XIRP2: variants seen among roughly 807,000 people sequenced by gnomAD.
XIRP2 encodes the protein xin actin-binding repeat-containing protein 2.
A neutral mutation model predicts 277.0 loss-of-function variants in XIRP2; 236 were observed. The ratio of observed to expected loss-of-function variants is 0.85; its 90% CI spans 0.77 to 0.95. The LOEUF is 0.95. Ranked by LOEUF, XIRP2 falls within the 40% of genes least tolerant of loss-of-function variation. The pLI is 0.00. For missense variants in XIRP2, 4,640 were observed against 4,157.5 expected (o/e 1.12, Z -3.19); for synonymous variants, 1,490 against 1,416.5 (o/e 1.05, Z -1.17).
intron 2 of XIRP2, among the ~76,000 whole-genome samples, chr2:167,035,363 A>G (rs1230853608): frequency 2.0e-5 from 3 of 152,208 alleles, no homozygotes; most frequent in African/African-American, 7.2e-5. Flanking sequence ...AGCAATATGG[A>G]CAAAAAGGTC....
At chr2:167,022,784 CT>C (rs1441862859) in intron 2 of XIRP2, among the ~76,000 whole-genome samples, 1 of 152,020 alleles carries the variant, frequency 6.6e-6, no homozygotes, top group Non-Finnish European at 1.5e-5. Flanking sequence ...TGAACTCATC[CT>C]TTTTTATGGC....
chr2:166,925,589 G>GTGTATATATA (rs1553470448), intron 2 of XIRP2, among the ~76,000 whole-genome samples: 1 of 106,008 alleles, frequency 9.4e-6, no homozygotes, highest in African/African-American at 4.5e-5. Context: ...GTGTGTATGT[G>GTGTATATATA]TATATACATA....
chr2:167,251,259 T>C lies in XIRP2; in HGVS notation c.9867T>C (p.Ser3289=), dbSNP rs372657116. Residue 3289 remains serine (S), a synonymous_variant, in exon 9 of 11, where the codon AGT becomes AGC. Coordinates refer to ENST00000409195, the MANE Select transcript of XIRP2 (RefSeq NM_152381.6). ...ATCACATGGTGCCCGACACTGAAAG[T>C]TATGATGCAGTTGAAATCATCCGCA... ...STDHMVPDTE[S]YDAVEIIRKV... The C allele has an allele frequency of 7.3e-5, 117 of 1,613,504 alleles. No individual in the cohort carries two copies. Among genetic ancestry groups the C allele is most frequent in the Non-Finnish European group, 9.6e-5 (113 of 1,179,716 alleles).
At chr2:167,196,439 TG>T (rs1693516292) in intron 3 of XIRP2, among the ~76,000 whole-genome samples, 2 of 150,912 alleles carry the variant, frequency 1.3e-5, no homozygotes, top group African/African-American at 4.9e-5. Context: ...TGTGTGTGTG[TG>T]TGTGTGTGTG....
chr2:167,250,158 G>C lies in XIRP2; in HGVS notation c.8766G>C (p.Gln2922His), dbSNP rs1171500682. The C allele has an allele frequency of 2.5e-6, 4 of 1,613,384 alleles. No individual in the cohort carries two copies. In the African/African-American group the frequency reaches 5.3e-5, roughly 22 times the overall value. ...NTKDSKQEIT[Q>H]NKSFFSSVKE... ...AAGATTCAAAGCAAGAGATTACACA[G>C]AACAAATCTTTCTTTTCCTCTGTGA... The change falls in exon 9 of 11, where the codon CAG (glutamine) becomes CAC (histidine). Residue 2922 changes from glutamine to histidine, a missense_variant. Coordinates refer to ENST00000409195, the MANE Select transcript of XIRP2 (RefSeq NM_152381.6).
At chr2:167,049,311 T>A (rs1281436226) in intron 2 of XIRP2, among the ~76,000 whole-genome samples, 1 of 151,962 alleles carries the variant, frequency 6.6e-6, no homozygotes, top group African/African-American at 2.4e-5. Context: ...ATTTTAAAAT[T>A]TTGTCCATAT....
intron 3 of XIRP2, among the ~76,000 whole-genome samples, chr2:167,173,486 A>G (rs1484216085): frequency 6.6e-6 from 1 of 152,028 alleles, no homozygotes; most frequent in Non-Finnish European, 1.5e-5. Flanking sequence ...GCTGAATACT[A>G]CTCCATTGTG....
intron 3 of XIRP2, among the ~76,000 whole-genome samples, chr2:167,177,952 T>G (rs1033231708): frequency 2.6e-5 from 4 of 151,986 alleles, no homozygotes; most frequent in Non-Finnish European, 5.9e-5. Flanking sequence ...AAATGGAATA[T>G]GGTATGTCCA....
At chr2:166,940,372 C>T (rs1408670565) in intron 2 of XIRP2, among the ~76,000 whole-genome samples, 1 of 152,106 alleles carries the variant, frequency 6.6e-6, no homozygotes, top group Non-Finnish European at 1.5e-5. Context: ...GGTTTTTAGC[C>T]TCTTTGCGAT....
At chr2:167,208,375 T>C (rs1693919275) in intron 3 of XIRP2, among the ~76,000 whole-genome samples, 1 of 152,180 alleles carries the variant, frequency 6.6e-6, no homozygotes, top group Non-Finnish European at 1.5e-5. Context: ...GGCGCGATCT[T>C]GGCTTCACTG....
Position 167,246,139 on chromosome 2 carries a change from G to A in XIRP2, c.4747G>A (p.Ala1583Thr), listed in dbSNP as rs1445397269. 6.2e-7 allele frequency: 1 copy of A among 1,613,112 alleles called. No individual in the cohort carries two copies. The highest frequency in any genetic ancestry group is 1.7e-5 in the Admixed American group (1 of 59,862). Residue 1583 changes from alanine (A) to threonine (T), a missense_variant, in exon 9 of 11, where the codon GCA becomes ACA. By Grantham distance (58) the Ala-to-Thr change is moderately conservative. Coordinates refer to ENST00000409195, the MANE Select transcript of XIRP2 (RefSeq NM_152381.6). ...EADEIGDVRM[A>T]KYKLMNQASP... ...TGATGAAATAGGGGATGTTCGAATGGCAAAATACAAGCTAATGAACCAAGC... is the reference window on the plus strand; with the variant it reads ...TGATGAAATAGGGGATGTTCGAATGACAAAATACAAGCTAATGAACCAAGC...
In XIRP2 at chr2:166,994,490, A is replaced by T. The variant is rs1308880728; in HGVS notation, c.408+90600A>T. Among the ~76,000 whole-genome samples the T allele has an allele frequency of 6.4e-3, 554 of 86,914 alleles. 2 individuals carry two copies. Among genetic ancestry groups the T allele is most frequent in the African/African-American group, 0.021 (508 of 23,628 alleles). The allele number at this position is 86,914 out of a possible 152,430, so 57.0% of individuals were successfully genotyped here. A position where few individuals can be genotyped will look rare whatever the true frequency, so the allele number is the denominator to read the frequency against. ...CTTAGAGTATAATAAAAAAAAAAAA[A>T]TTAAAAAAAAAAAAAAAAATTTGAA... On this transcript the variant is annotated intron_variant, in intron 2 of 10. Transcript: ENST00000409195.
At chr2:166,973,658 T>G (rs544665893) in intron 2 of XIRP2, among the ~76,000 whole-genome samples, 2 of 152,288 alleles carry the variant, frequency 1.3e-5, no homozygotes, top group African/African-American at 4.8e-5. Context: ...TTCAAAGCAC[T>G]TCAGAATCTC....
intron 2 of XIRP2, among the ~76,000 whole-genome samples, chr2:167,026,669 G>A (rs944994861): frequency 2.6e-5 from 4 of 152,108 alleles, no homozygotes; most frequent in African/African-American, 4.8e-5. Context: ...AAATCTCTCA[G>A]CATTTGCTTG....
At chr2:166,912,525 G>A (rs1684738689) in intron 2 of XIRP2, among the ~76,000 whole-genome samples, 1 of 152,058 alleles carries the variant, frequency 6.6e-6, no homozygotes, top group South Asian at 2.1e-4. Flanking sequence ...TTTTTTCAAG[G>A]TTTTTATCTT....
At chr2:167,138,346 GC>G (rs1302144155) in intron 3 of XIRP2, among the ~76,000 whole-genome samples, 2 of 152,302 alleles carry the variant, frequency 1.3e-5, no homozygotes, top group Non-Finnish European at 2.9e-5. Context: ...GACTAGCAAT[GC>G]CTGTCAGTTT....
At chr2:167,214,071 A>AAAGG (rs1385083673) in intron 4 of XIRP2, among the ~76,000 whole-genome samples, 5 of 133,344 alleles carry the variant, frequency 3.7e-5, no homozygotes, top group African/African-American at 1.2e-4. Context: ...TACAAAATAG[A>AAAGG]AAGGAAGGAA....
intron 2 of XIRP2, among the ~76,000 whole-genome samples, chr2:167,114,351 A>G (rs1046743757): frequency 6.6e-6 from 1 of 151,788 alleles, no homozygotes; most frequent in Non-Finnish European, 1.5e-5. Flanking sequence ...GTCTGACTTG[A>G]GTTATTTCAG....
intron 2 of XIRP2, among the ~76,000 whole-genome samples, chr2:166,969,332 A>G (rs1401185212): frequency 6.6e-6 from 1 of 152,034 alleles, no homozygotes; most frequent in African/African-American, 2.4e-5. Context: ...TTTACTATAC[A>G]AAGTGAATTT....
Sources: gnomAD v4.1 joint callset for allele counts (sites outside exome capture counted in the v4.1 genomes callset) on GRCh38, gnomAD v4.1.1 for gene constraint, MANE v1.5 for transcripts, NCBI Gene and HGNC (gene_info 2026-07-23, HGNC 2026-07-21) for gene names.